The following TRMT11 variants were observed in gnomAD, a reference collection of about 807,000 sequenced individuals.
TRMT11 encodes tRNA (guanine(10)-N(2))-methyltransferase TRMT11.
In TRMT11, 53 loss-of-function variants were observed where a neutral mutation model predicts 62.8. That is an observed-to-expected ratio of 0.84 (90% CI 0.68 to 1.06). The LOEUF is 1.06. Ranked by LOEUF, TRMT11 falls within the 50% of genes least tolerant of loss-of-function variation. TRMT11 has a pLI of 0.00. For missense variants in TRMT11, 556 were observed against 553.4 expected, an observed-to-expected ratio of 1.00 and a Z score of -0.05; for synonymous variants, 188 against 190.3, an observed-to-expected ratio of 0.99 and a Z score of 0.10.
At chr6:126,255,938 C>G in the TRMT11 span, among the ~76,000 whole-genome samples, 1 of 152,114 alleles carries the variant, frequency 6.6e-6, no homozygotes, top group African/African-American at 2.4e-5. Flanking sequence ...CATTTATTAT[C>G]TTTTATGGTT....
chr6:126,193,244 A>T (rs1300372910), intron 1 of TRMT11, among the ~76,000 whole-genome samples: 2 of 151,684 alleles, frequency 1.3e-5, no homozygotes, highest in Non-Finnish European at 2.9e-5. Context: ...GATCCTTTGT[A>T]TTTCTATGGT....
intron 12 of TRMT11, among the ~76,000 whole-genome samples, chr6:126,023,172 A>C (rs1796072542): frequency 6.6e-6 from 1 of 152,232 alleles, no homozygotes; most frequent in Non-Finnish European, 1.5e-5. Flanking sequence ...TTAAACCATT[A>C]AACATTAAAA....
At chr6:126,150,785 CAT>C (rs1349186373) in intron 21 of TRMT11, among the ~76,000 whole-genome samples, 1 of 152,212 alleles carries the variant, frequency 6.6e-6, no homozygotes, top group African/African-American at 2.4e-5. Flanking sequence ...TTCTGACTAA[CAT>C]GTGATCTGAT....
chr6:126,222,095 A>G, the TRMT11 span, among the ~76,000 whole-genome samples: 1 of 152,040 alleles, frequency 6.6e-6, no homozygotes, highest in Non-Finnish European at 1.5e-5. Context: ...TGTTTTTGTC[A>G]ACTTTTCAAA....
chr6:126,050,443 C>T (rs1200537772), intron 16 of TRMT11, among the ~76,000 whole-genome samples: 7 of 152,058 alleles, frequency 4.6e-5, no homozygotes. Flanking sequence ...TGGCTCACGC[C>T]TGTATTCTCA....
chr6:126,176,447 A>T (rs1778385984), upstream of TRMT11, among the ~76,000 whole-genome samples: 2 of 152,134 alleles, frequency 1.3e-5, no homozygotes, highest in South Asian at 4.1e-4. Context: ...AAACTAATCC[A>T]ACTGACCACT....
chr6:126,221,065 A>G, the TRMT11 span, among the ~76,000 whole-genome samples: 5 of 152,176 alleles, frequency 3.3e-5, no homozygotes, highest in Admixed American at 1.3e-4. Context: ...CTCCAGCTCT[A>G]TCCATGTTGC....
intron 17 of TRMT11, among the ~76,000 whole-genome samples, chr6:126,067,807 AGT>A (rs1776733826): frequency 1.3e-5 from 2 of 152,158 alleles, no homozygotes; most frequent in African/African-American, 4.8e-5. Context: ...TCCCATCAGG[AGT>A]GGTTAAGAGT....
the TRMT11 span, among the ~76,000 whole-genome samples, chr6:126,245,468 G>T: frequency 6.6e-6 from 1 of 152,208 alleles, no homozygotes; most frequent in Non-Finnish European, 1.5e-5. Flanking sequence ...TAAAAGGTTT[G>T]CTTCCAAGGG....
At chr6:126,128,467 T>C (rs1177550621) in intron 21 of TRMT11, among the ~76,000 whole-genome samples, 1 of 152,092 alleles carries the variant, frequency 6.6e-6, no homozygotes, top group African/African-American at 2.4e-5. Context: ...TATTAGTATT[T>C]CTCCCCAGAG....
chr6:126,221,457 G>A, the TRMT11 span, among the ~76,000 whole-genome samples: 1 of 152,100 alleles, frequency 6.6e-6, no homozygotes, highest in African/African-American at 2.4e-5. Flanking sequence ...CATTCTGACT[G>A]GTGTAAGATG....
the TRMT11 span, among the ~76,000 whole-genome samples, chr6:126,261,063 G>A: frequency 6.6e-6 from 1 of 152,104 alleles, no homozygotes; most frequent in Non-Finnish European, 1.5e-5. Context: ...ACTATAATGA[G>A]AAAGTTTGTG....
chr6:126,264,168 T>G, the TRMT11 span, among the ~76,000 whole-genome samples: 1 of 152,204 alleles, frequency 6.6e-6, no homozygotes, highest in Non-Finnish European at 1.5e-5. Flanking sequence ...TATAGTCCAT[T>G]GTAAGCATGG....
chr6:126,023,055 T>C (rs939504089), intron 12 of TRMT11, among the ~76,000 whole-genome samples: 1 of 152,258 alleles, frequency 6.6e-6, no homozygotes, highest in East Asian at 1.9e-4. Flanking sequence ...CACCTTGCTT[T>C]TCTTAAAATG....
At position 126,011,341 on chromosome 6, in the gene TRMT11, C is replaced by T. The variant is rs750852536; in HGVS notation, c.849C>T (p.Tyr283=). The T allele has an allele frequency of 1.2e-6, 2 of 1,613,192 alleles. No homozygotes were observed. Among genetic ancestry groups the T allele is most frequent in the Non-Finnish European group, 1.7e-6 (2 of 1,179,404 alleles). ...NLRQYGLEKY[Y]LDVLVSDASK... ...GTCAATATGGTTTAGAGAAGTATTA[C>T]CTTGATGTCCTGGTTTCAGATGCAT... The change falls in exon 9 of 13, where the codon TAC becomes TAT. Residue 283 remains tyrosine, a synonymous_variant. Coordinates refer to ENST00000334379, the MANE Select transcript of TRMT11 (RefSeq NM_001031712.3).
At chr6:126,207,523 C>A (rs1778801773), downstream of TRMT11, among the ~76,000 whole-genome samples, 1 of 152,238 alleles carries the variant, frequency 6.6e-6, no homozygotes, top group Admixed American at 6.5e-5. Flanking sequence ...CTCTTAGTAG[C>A]CAAAATGTCC....
chr6:126,031,630 C>G (rs1774218688), intron 12 of TRMT11, among the ~76,000 whole-genome samples: 1 of 152,138 alleles, frequency 6.6e-6, no homozygotes, highest in Admixed American at 6.5e-5. Context: ...GTGGGGAACC[C>G]TGGACTTCAG....
chr6:126,104,006 T>C (rs1456171735), intron 17 of TRMT11, among the ~76,000 whole-genome samples: 1 of 152,194 alleles, frequency 6.6e-6, no homozygotes, highest in African/African-American at 2.4e-5. Flanking sequence ...GCAAGAAATG[T>C]ACAAAGATTT....
chr6:126,145,181 A>C (rs1777960235), intron 21 of TRMT11, among the ~76,000 whole-genome samples: 1 of 152,250 alleles, frequency 6.6e-6, no homozygotes, highest in Non-Finnish European at 1.5e-5. Context: ...AAGAAATTGC[A>C]ACCTGGTGTG....
Sources: gnomAD v4.1 joint callset for allele counts (sites outside exome capture counted in the v4.1 genomes callset) on GRCh38, gnomAD v4.1.1 for gene constraint, MANE v1.5 for transcripts, NCBI Gene and HGNC (gene_info 2026-07-23, HGNC 2026-07-21) for gene names.